The following SNX29 variants were observed in gnomAD, a reference collection of about 807,000 sequenced individuals.
SNX29 encodes sorting nexin-29.
A neutral mutation model predicts 102.1 loss-of-function variants in SNX29; 78 were observed. The observed-to-expected ratio is 0.76, with a 90% CI of 0.64 to 0.92. The LOEUF (loss-of-function observed/expected upper bound fraction) is 0.92. SNX29 is among the 40% of genes least tolerant of loss of function. The probability of loss-of-function intolerance (pLI) is 0.00; values close to 1 mark genes in which losing one functional copy is unlikely to be tolerated. For synonymous variants in SNX29, 580 were observed against 414.5 expected (o/e 1.40, Z -4.85); for missense variants, 1,280 against 1,061.7 (o/e 1.21, Z -2.86).
chr16:12,413,414 C>CAGGGTCCT (rs1164861243), intron 18 of SNX29, among the ~76,000 whole-genome samples: 8 of 151,880 alleles, frequency 5.3e-5, no homozygotes, highest in Non-Finnish European at 1.0e-4. Flanking sequence ...GAGCGAATAA[C>CAGGGTCCT]AGGGTCCTGA....
At chr16:12,558,263 G>A (rs930182687) in intron 20 of SNX29, among the ~76,000 whole-genome samples, 3 of 152,008 alleles carry the variant, frequency 2.0e-5, no homozygotes, top group Admixed American at 6.5e-5. Context: ...GAGGTCTTCT[G>A]AAATGTCAGG....
chr16:12,152,920 G>A (rs4781187), intron 13 of SNX29, among the ~76,000 whole-genome samples: 103,311 of 152,072 alleles, frequency 0.68, 37,013 homozygotes, highest in East Asian at 0.91. Context: ...TCAGGACCCC[G>A]CACACAGTGG....
intron 8 of SNX29, among the ~76,000 whole-genome samples, chr16:12,054,711 T>G (rs1025628592): frequency 1.8e-4 from 28 of 152,306 alleles, no homozygotes; most frequent in African/African-American, 6.5e-4. Context: ...TCCCTGCAGT[T>G]GTGTGGAGCA....
chr16:12,536,428 G>C (rs1006745541), intron 20 of SNX29, among the ~76,000 whole-genome samples: 4 of 151,966 alleles, frequency 2.6e-5, no homozygotes, highest in East Asian at 1.9e-4. Flanking sequence ...TAAGGAGGGC[G>C]GCAGTTGTGC....
At chr16:12,214,340 G>C (rs2077266878) in intron 14 of SNX29, among the ~76,000 whole-genome samples, 1 of 152,106 alleles carries the variant, frequency 6.6e-6, no homozygotes, top group African/African-American at 2.4e-5. Flanking sequence ...TAACTTTTTG[G>C]GGCTGTCTCA....
At chr16:12,440,910 A>T (rs1207198210) in intron 18 of SNX29, among the ~76,000 whole-genome samples, 2 of 152,118 alleles carry the variant, frequency 1.3e-5, no homozygotes, top group African/African-American at 4.8e-5. Context: ...TGTGCTAAGC[A>T]TGTGTCTTTA....
At chr16:12,516,922 C>T (rs2089891810) in intron 19 of SNX29, among the ~76,000 whole-genome samples, 1 of 152,132 alleles carries the variant, frequency 6.6e-6, no homozygotes. Context: ...AGCATTCCAT[C>T]GTTTTAAAAA....
intron 15 of SNX29, among the ~76,000 whole-genome samples, chr16:12,294,267 C>T (rs2079902989): frequency 6.6e-6 from 1 of 152,150 alleles, no homozygotes; most frequent in South Asian, 2.1e-4. Flanking sequence ...CTCCTGTCAC[C>T]CGTCATCTCT....
At chr16:12,113,007 C>G (rs1048120138) in intron 11 of SNX29, among the ~76,000 whole-genome samples, 2 of 152,140 alleles carry the variant, frequency 1.3e-5, no homozygotes, top group African/African-American at 4.8e-5. Flanking sequence ...CTCAGGAGAT[C>G]CACATGATTC....
At chr16:12,480,238 A>G (rs1226736045) in intron 19 of SNX29, among the ~76,000 whole-genome samples, 2 of 152,202 alleles carry the variant, frequency 1.3e-5, no homozygotes, top group East Asian at 1.9e-4. Flanking sequence ...AATGAGCGTC[A>G]CAGAGCTAAA....
At chr16:11,986,319 A>C (rs573101200) in intron 1 of SNX29, among the ~76,000 whole-genome samples, 1 of 138,410 alleles carries the variant, frequency 7.2e-6, no homozygotes, top group Non-Finnish European at 1.5e-5. Context: ...ACTCCATCTC[A>C]TTTTTCTTCG....
chr16:12,109,070 G>A (rs965472211), intron 11 of SNX29, among the ~76,000 whole-genome samples: 6 of 136,958 alleles, frequency 4.4e-5, no homozygotes, highest in Non-Finnish European at 6.1e-5. Context: ...AGAGGTTGCA[G>A]TGATCCCAGA....
intron 10 of SNX29, among the ~76,000 whole-genome samples, chr16:12,072,944 GTTTAT>G (rs1306162390): frequency 6.6e-6 from 1 of 152,150 alleles, no homozygotes; most frequent in Non-Finnish European, 1.5e-5. Context: ...AGATTTTCTA[GTTTAT>G]TTGCGTAGAG....
chr16:12,067,576 C>G (rs942446386), intron 9 of SNX29, among the ~76,000 whole-genome samples: 1 of 152,236 alleles, frequency 6.6e-6, no homozygotes, highest in Non-Finnish European at 1.5e-5. Flanking sequence ...CAACCTCCAC[C>G]TTCTGGGTTC....
At chr16:12,094,366 G>T (rs1049447938) in intron 11 of SNX29, among the ~76,000 whole-genome samples, 1 of 152,170 alleles carries the variant, frequency 6.6e-6, no homozygotes, top group African/African-American at 2.4e-5. Context: ...CAAAGGGTAC[G>T]TTGCTGACGA....
At chr16:12,550,578 C>T (rs867155614) in intron 20 of SNX29, among the ~76,000 whole-genome samples, 12 of 151,446 alleles carry the variant, frequency 7.9e-5, no homozygotes, top group Admixed American at 6.6e-4. Context: ...TATATACTTC[C>T]ACCGGTGCAT....
intron 17 of SNX29, 56 bp from the exon 18 acceptor site, chr16:12,403,392 A>AT (rs2084037959): frequency 3.3e-6 from 5 of 1,499,928 alleles, no homozygotes; most frequent in Admixed American, 4.2e-5. Flanking sequence ...TTTATTTTTT[A>AT]TTTTTTTGTA....
At chr16:12,219,491 G>A (rs1049134265) in intron 14 of SNX29, among the ~76,000 whole-genome samples, 1 of 152,018 alleles carries the variant, frequency 6.6e-6, no homozygotes, top group Non-Finnish European at 1.5e-5. Context: ...GATTATTTTC[G>A]CTACCTTGCT....
chr16:12,046,992 G>T (rs1037164803), intron 6 of SNX29, among the ~76,000 whole-genome samples: 2 of 152,182 alleles, frequency 1.3e-5, no homozygotes, highest in African/African-American at 4.8e-5. Context: ...TTTTAGTTGG[G>T]CTTTGGAGAT....
Sources: gnomAD v4.1 joint callset for allele counts (sites outside exome capture counted in the v4.1 genomes callset) on GRCh38, gnomAD v4.1.1 for gene constraint, MANE v1.5 for transcripts, NCBI Gene and HGNC (gene_info 2026-07-23, HGNC 2026-07-21) for gene names.